The following USP30 variants were observed in gnomAD, a reference collection of about 807,000 sequenced individuals.
USP30 encodes the protein ubiquitin specific peptidase 30.
Under a neutral mutation model 68.2 loss-of-function variants are expected in USP30, and 41 were observed. That is an observed-to-expected ratio of 0.60 (90% confidence interval 0.47 to 0.78). The LOEUF is 0.78. USP30 is among the 30% of genes least tolerant of loss of function. The pLI is 0.00. For missense variants in USP30, 522 were observed against 649.4 expected, an observed-to-expected ratio of 0.80 and a Z score of 2.13; for synonymous variants, 229 against 253.7, an observed-to-expected ratio of 0.90 and a Z score of 0.93.
At chr12:109,079,339 C>CT (rs750712233) in intron 7 of USP30, among the ~76,000 whole-genome samples, 74 of 62,256 alleles carry the variant, frequency 1.2e-3, no homozygotes, top group Middle Eastern at 0.012. Flanking sequence ...TTTTCTTTTT[C>CT]TTTTTTTTTT....
chr12:109,030,165 T>C (rs1031531444), intron 3 of USP30, among the ~76,000 whole-genome samples: 1 of 152,214 alleles, frequency 6.6e-6, no homozygotes, highest in Non-Finnish European at 1.5e-5. Flanking sequence ...CTGTCAATCA[T>C]TGTGTACTGG....
chr12:109,026,467 AT>A (rs58578726), intron 2 of USP30, among the ~76,000 whole-genome samples: 1,679 of 145,376 alleles, frequency 0.012, 23 homozygotes, highest in African/African-American at 0.033. Flanking sequence ...ACACAACAGA[AT>A]TTTTTTTTTT....
chr12:109,044,505 C>T (rs1438447823), intron 3 of USP30, among the ~76,000 whole-genome samples: 2 of 151,794 alleles, frequency 1.3e-5, no homozygotes, highest in African/African-American at 2.4e-5. Flanking sequence ...GGCACAAAGG[C>T]TCGTGTCTGT....
chr12:109,079,530 A>AT (rs1377174458), intron 7 of USP30, among the ~76,000 whole-genome samples: 11 of 149,252 alleles, frequency 7.4e-5, no homozygotes, highest in African/African-American at 9.8e-5. Context: ...CACCCAGCTA[A>AT]TTTTTTTTTA....
intron 3 of USP30, among the ~76,000 whole-genome samples, chr12:109,033,422 G>A (rs372851045): frequency 7.2e-5 from 11 of 152,266 alleles, no homozygotes; most frequent in South Asian, 6.2e-4. Flanking sequence ...ATTAGTCTTC[G>A]AGTCACAGCA....
upstream of USP30, among the ~76,000 whole-genome samples, chr12:109,049,328 C>G (rs1303958747): frequency 2.0e-5 from 3 of 152,122 alleles, no homozygotes; most frequent in Non-Finnish European, 4.4e-5. Flanking sequence ...ATTGTTGTGT[C>G]TTACAGGCTA....
intron 3 of USP30, among the ~76,000 whole-genome samples, chr12:109,037,992 C>T (rs2040533519): frequency 6.6e-6 from 1 of 152,016 alleles, no homozygotes; most frequent in South Asian, 2.1e-4. Flanking sequence ...TATCTGATTC[C>T]TCAGATTTTC....
At chr12:109,078,427 A>C (rs1321170924) in intron 7 of USP30, among the ~76,000 whole-genome samples, 1 of 151,862 alleles carries the variant, frequency 6.6e-6, no homozygotes, top group Non-Finnish European at 1.5e-5. Flanking sequence ...GAGTCTCAAA[A>C]AAAAAAAAAA....
chr12:109,086,132 G>C lies in USP30; in HGVS notation c.*201G>C, dbSNP rs1054607437. 1.8e-5 allele frequency: 12 copies of C among 672,294 alleles called. No individual in the cohort carries two copies. The Admixed American group carries it at 3.4e-4, about 19-fold the overall frequency. 41.6% of individuals were successfully genotyped at this position (672,294 alleles called of 1,614,324 possible). On this transcript the variant is annotated 3_prime_UTR_variant, in exon 13 of 13. Coordinates refer to ENST00000257548, the MANE Select transcript of USP30 (RefSeq NM_032663.5). ...TGAACAGTCCTGTTCATGTGTGTAG[G>C]TGGTTCTGTTGTGTTAAGAAAGCAT...
chr12:109,058,143 C>T lies in USP30; in HGVS notation c.376+35C>T, dbSNP rs746553406. 8.3e-6 allele frequency: 13 copies of T among 1,564,636 alleles called. No homozygotes were observed. The African/African-American group carries it at 1.6e-4, about 20-fold the overall frequency. Reference sequence around the variant, plus strand: ...TGGGAATTTCAAGGGAATTATGTACCTTTTCAAAGAAGTCCAGATGACAGA... The same window carrying T: ...TGGGAATTTCAAGGGAATTATGTACTTTTTCAAAGAAGTCCAGATGACAGA... On this transcript the variant is annotated intron_variant, in intron 3 of 12. Coordinates refer to ENST00000257548, the MANE Select transcript of USP30 (RefSeq NM_032663.5).
At chr12:109,063,442 G>A (rs572797143) in intron 3 of USP30, among the ~76,000 whole-genome samples, 31 of 152,290 alleles carry the variant, frequency 2.0e-4, no homozygotes, top group African/African-American at 7.2e-4. Context: ...GCAGCATTTT[G>A]TTTGTCCCTC....
chr12:109,035,700 C>G (rs958468964), intron 3 of USP30, among the ~76,000 whole-genome samples: 2 of 152,118 alleles, frequency 1.3e-5, no homozygotes, highest in Non-Finnish European at 2.9e-5. Flanking sequence ...GGATTAATAC[C>G]AACTTAATTT....
At chr12:109,081,794 GA>G in intron 8 of USP30, 138 bp from the exon 9 acceptor site, 1 of 843,920 alleles carries the variant, frequency 1.2e-6, no homozygotes, top group South Asian at 1.6e-5. Flanking sequence ...GTTTGTCCAG[GA>G]AACATCCAGT....
chr12:109,030,523 G>A (rs1211447167), intron 3 of USP30, among the ~76,000 whole-genome samples: 1 of 152,190 alleles, frequency 6.6e-6, no homozygotes, highest in Non-Finnish European at 1.5e-5. Flanking sequence ...CTAACGTACA[G>A]CATGGTGACT....
At chr12:109,075,076 A>G (rs1039508612) in intron 7 of USP30, among the ~76,000 whole-genome samples, 1 of 152,228 alleles carries the variant, frequency 6.6e-6, no homozygotes, top group African/African-American at 2.4e-5. Context: ...ATATTCCATT[A>G]TATGTGTATA....
chr12:109,082,614 G>A, intron 9 of USP30, 49 bp from the exon 10 acceptor site: 2 of 1,587,376 alleles, frequency 1.3e-6, no homozygotes, highest in South Asian at 2.3e-5. Context: ...GCACTCCAAA[G>A]CTGTCCTATT....
chr12:109,078,625 CT>C (rs1239397634), intron 7 of USP30, among the ~76,000 whole-genome samples: 11 of 151,800 alleles, frequency 7.2e-5, no homozygotes, highest in Non-Finnish European at 2.9e-5. Flanking sequence ...GTTGCCTTCT[CT>C]TCTACTAATT....
chr12:109,056,937 T>G, intron 2 of USP30, 146 bp downstream of exon 2: 1 of 518,686 alleles, frequency 1.9e-6, no homozygotes, highest in Non-Finnish European at 3.3e-6. Flanking sequence ...ACAGTACTTT[T>G]ACCGTTAGTC....
chr12:109,075,661 A>G (rs2041578617), intron 7 of USP30, among the ~76,000 whole-genome samples: 1 of 152,116 alleles, frequency 6.6e-6, no homozygotes, highest in Non-Finnish European at 1.5e-5. Flanking sequence ...ACATGCTGTC[A>G]TTTTGGTAAT....
Sources: allele counts gnomAD v4.1 joint callset (sites outside exome capture counted in the v4.1 genomes callset), GRCh38; gene constraint gnomAD v4.1.1; transcripts MANE v1.5; gene names NCBI Gene and HGNC (gene_info 2026-07-23, HGNC 2026-07-21).